Variants in PLCG1 observed in about 807,000 individuals in gnomAD.
PLCG1 encodes 1-phosphatidylinositol 4,5-bisphosphate phosphodiesterase gamma-1.
Under a neutral mutation model 177.8 loss-of-function variants are expected in PLCG1, and 71 were observed. That is an observed-to-expected ratio of 0.40 (90% CI 0.33 to 0.49). The LOEUF (loss-of-function observed/expected upper bound fraction) is 0.49, where lower values mean the gene tolerates loss of function less well. Among genes scored for constraint, PLCG1 ranks in the 20% least tolerant of loss-of-function variants. PLCG1 has a pLI of 0.72. For synonymous variants in PLCG1, 658 were observed against 647.9 expected, an observed-to-expected ratio of 1.02 and a Z score of -0.24; for missense variants, 1,281 against 1,709.0, an observed-to-expected ratio of 0.75 and a Z score of 4.42.
chr20:41,168,687 G>T (rs1222967580), intron 20 of PLCG1, 80 bp from the exon 21 acceptor site: 2 of 820,246 alleles, frequency 2.4e-6, no homozygotes, highest in Non-Finnish European at 4.2e-6. Flanking sequence ...CCAAGCACAT[G>T]TGTGTGTGCA....
rs1041797963 is a variant in PLCG1, at chr20:41,150,257, A to G, written c.218-9349A>G. 1.3e-5 allele frequency among the ~76,000 whole-genome samples: 2 copies of G among 152,246 alleles called. No homozygotes were observed. The highest frequency in any genetic ancestry group is 2.4e-5 in the African/African-American group (1 of 41,470). On this transcript the variant is annotated intron_variant, in intron 1 of 31. Transcript: ENST00000685551. The surrounding 1 kb of genome is among the most constrained non-coding windows in gnomAD (Gnocchi z 4.0). ...CGAAGTGAGAGGATCACTTGAGGCC[A>G]GGAGTTTGAGACAAGCTTGGGCAAC...
rs149429250 is a variant in PLCG1, at chr20:41,147,355, A to C, written c.217+9497A>C. The stretch of plus-strand genomic sequence containing the variant: ...CAGTGAGAACAGAATGTCTGTTGCC[A>C]GACTGATCACAAGAGGATGGCCTGG... On this transcript the variant is annotated intron_variant, in intron 1 of 31. Transcript: ENST00000685551. This position sits in a 1 kb window ranked among gnomAD's most constrained non-coding sequence, Gnocchi z 4.0. 2.6e-3 allele frequency among the ~76,000 whole-genome samples: 395 copies of C among 152,364 alleles called. 3 individuals carry two copies. The highest frequency in any genetic ancestry group is 8.9e-3 in the African/African-American group (370 of 41,594).
In PLCG1 at chr20:41,174,800, A is replaced by T. The variant is rs1402974895; in HGVS notation, c.*291A>T. 2 of 450,860 alleles carry T rather than the reference A, an allele frequency of 4.4e-6. No homozygotes were observed. Among genetic ancestry groups the T allele is most frequent in the Non-Finnish European group, 8.1e-6 (2 of 245,522 alleles). 27.9% of individuals were successfully genotyped at this position (450,860 alleles called of 1,614,324 possible). A position where few individuals can be genotyped will look rare whatever the true frequency, so the allele number is the denominator to read the frequency against. On this transcript the variant is annotated 3_prime_UTR_variant, in exon 32 of 32. Coordinates refer to ENST00000685551, the MANE Select transcript of PLCG1 (RefSeq NM_002660.3). This position sits in a 1 kb window ranked among gnomAD's most constrained non-coding sequence, Gnocchi z 5.8. ...ATGGATCCTTCCATCTTGTGGGGCC[A>T]GGACCATGGCCGAAGCCCCTTGGAG...
Position 41,164,336 on chromosome 20 carries a change from C to A in PLCG1, c.1217+135C>A. 4 of 866,054 alleles carry A rather than the reference C, an allele frequency of 4.6e-6. No individual in the cohort carries two copies. Among genetic ancestry groups the A allele is most frequent in the South Asian group, 1.6e-5 (1 of 61,256 alleles). 53.6% of individuals were successfully genotyped at this position (866,054 alleles called of 1,614,324 possible). On this transcript the variant is annotated intron_variant, in intron 12 of 31. Coordinates refer to ENST00000685551, the MANE Select transcript of PLCG1 (RefSeq NM_002660.3). This position sits in a 1 kb window ranked among gnomAD's most constrained non-coding sequence, Gnocchi z 6.4. The stretch of plus-strand genomic sequence containing the variant: ...CTTTCATCTTTGTCCTTCCTCTTGG[C>A]CTCTCCTCGTCACCTGCTCCCTGCT...
Position 41,166,796 on chromosome 20 carries a change from A to G in PLCG1, c.2238A>G (p.Leu746=), listed in dbSNP as rs765466261. Residue 746 remains leucine, a synonymous_variant, in exon 19 of 32, where the codon CTA becomes CTG. Coordinates refer to ENST00000685551, the MANE Select transcript of PLCG1 (RefSeq NM_002660.3). This position sits in a 1 kb window ranked among gnomAD's most constrained non-coding sequence, Gnocchi z 8.6. ...TCAGCTACTATGAGAAACACCCGCT[A>G]TACCGCAAGATGAAGCTGCGCTATC... ...DLISYYEKHP[L]YRKMKLRYPI... 30 of 1,614,060 alleles carry G rather than the reference A, an allele frequency of 1.9e-5. No homozygotes were observed. Among genetic ancestry groups the G allele is most frequent in the Non-Finnish European group, 2.4e-5 (28 of 1,180,040 alleles).
chr20:41,165,009 G>C lies in PLCG1; in HGVS notation c.1294G>C (p.Val432Leu), dbSNP rs2035632283. 10 of 1,614,206 alleles carry C rather than the reference G, an allele frequency of 6.2e-6. No homozygotes were observed. The Middle Eastern group carries it at 4.9e-4, about 80-fold the overall frequency. Residue 432 changes from valine to leucine, a missense_variant, in exon 13 of 32, where the codon GTG becomes CTG. This residue lies in a region of PLCG1 where 723 missense variants were observed against 1,030.0 expected (regional missense o/e 0.70). Coordinates refer to ENST00000685551, the MANE Select transcript of PLCG1 (RefSeq NM_002660.3). This position sits in a 1 kb window ranked among gnomAD's most constrained non-coding sequence, Gnocchi z 6.6. ...QRNMAQYFKK[V>L]LGDTLLTKPV... Reference sequence around the variant, plus strand: ...AAACATGGCCCAATACTTCAAGAAGGTGCTGGGGGACACACTCCTCACCAA... The same window carrying C: ...AAACATGGCCCAATACTTCAAGAAGCTGCTGGGGGACACACTCCTCACCAA...
intron 1 of PLCG1, among the ~76,000 whole-genome samples, chr20:41,158,939 G>A (rs1445379682): frequency 6.6e-6 from 1 of 152,226 alleles, no homozygotes; most frequent in African/African-American, 2.4e-5. Context: ...GTACCTCTCT[G>A]ACTATGCCTT....
Position 41,159,796 on chromosome 20 carries a change from AGG to A in PLCG1, c.370+41_370+42del, listed in dbSNP as rs544798567. On this transcript the variant is annotated intron_variant, in intron 2 of 31. Coordinates refer to ENST00000685551, the MANE Select transcript of PLCG1 (RefSeq NM_002660.3). The surrounding 1 kb of genome is among the most constrained non-coding windows in gnomAD (Gnocchi z 6.0). ...GGGGTAGAGGAGGTAGAGGATAGTT[AGG>A]GGAATGCCTGCTGGCTCCTGCCCAG... 1.2e-6 allele frequency: 2 copies of A among 1,613,990 alleles called. No individual in the cohort carries two copies. Among genetic ancestry groups the A allele is most frequent in the South Asian group, 2.2e-5 (2 of 91,074 alleles).
In PLCG1 at chr20:41,177,008, G is replaced by A. The variant is rs2179249; in HGVS notation, c.*2499G>A. The A allele has an allele frequency of 6.6e-6, 1 of 152,226 alleles. No homozygotes were observed. Among genetic ancestry groups the A allele is most frequent in the Admixed American group, 6.5e-5 (1 of 15,280 alleles). 9.4% of individuals were successfully genotyped at this position (152,226 alleles called of 1,614,324 possible). ...TACTGGTACCCGGGGCCTTAGCATAGGTATTGTTCAAAACCTCTCAAGGTG... is the reference window on the plus strand; with the variant it reads ...TACTGGTACCCGGGGCCTTAGCATAAGTATTGTTCAAAACCTCTCAAGGTG... On this transcript the variant is annotated 3_prime_UTR_variant, in exon 32 of 32. Coordinates refer to ENST00000685551, the MANE Select transcript of PLCG1 (RefSeq NM_002660.3).
rs34273582 is a variant in PLCG1, at chr20:41,150,909, A to T, written c.218-8697A>T. On this transcript the variant is annotated intron_variant, in intron 1 of 31. Transcript: ENST00000685551. The surrounding 1 kb of genome is among the most constrained non-coding windows in gnomAD (Gnocchi z 4.0). The stretch of plus-strand genomic sequence containing the variant: ...TGCTTCCCCATCTGTTTCCTCCATC[A>T]GGCAGGGGTTTTCTCAAAGGCAGGA... Among the ~76,000 whole-genome samples, 21,405 of 152,106 alleles carry T rather than the reference A, an allele frequency of 0.14. 1,710 individuals carry two copies. The highest frequency in any genetic ancestry group is 0.17 in the Non-Finnish European group (11,476 of 67,978).
rs1401730206 is a variant in PLCG1 at position 41,150,136 on chromosome 20, G to A, written c.218-9470G>A. ...CCTGGGGAGGTAGAGGCTACAGTGA[G>A]CCCTGTTGGTGCCACTGCACTCCAG... is the stretch of plus-strand genomic sequence containing the variant. On this transcript the variant is annotated intron_variant, in intron 1 of 31. Coordinates refer to ENST00000685551, the MANE Select transcript of PLCG1 (RefSeq NM_002660.3). This position sits in a 1 kb window ranked among gnomAD's most constrained non-coding sequence, Gnocchi z 4.0. Among the ~76,000 whole-genome samples the A allele has an allele frequency of 6.6e-6, 1 of 152,080 alleles. No individual in the cohort carries two copies. The highest frequency in any genetic ancestry group is 1.9e-4 in the East Asian group (1 of 5,178).
Position 41,156,976 on chromosome 20 carries a change from A to G in PLCG1, c.218-2630A>G, listed in dbSNP as rs1421422115. Among the ~76,000 whole-genome samples the G allele has an allele frequency of 6.6e-6, 1 of 152,192 alleles. No individual in the cohort carries two copies. Among genetic ancestry groups the G allele is most frequent in the East Asian group, 1.9e-4 (1 of 5,184 alleles). On this transcript the variant is annotated intron_variant, in intron 1 of 31. Transcript: ENST00000685551. The surrounding 1 kb of genome is among the most constrained non-coding windows in gnomAD (Gnocchi z 5.0). ...GGGTGAGGTTGGGAGGTAGCACAGG[A>G]TGTGGCTTTCAAGAACCTAGTAGAG...
In PLCG1 at chr20:41,173,304, G is replaced by A. The variant is rs2035960950; in HGVS notation, c.3280-116G>A. On this transcript the variant is annotated intron_variant, in intron 27 of 31. Coordinates refer to ENST00000685551, the MANE Select transcript of PLCG1 (RefSeq NM_002660.3). The surrounding 1 kb of genome is among the most constrained non-coding windows in gnomAD (Gnocchi z 6.2). ...TGAGGGACTCCATGGGCAGTGTCCCGGGGGCCCAGCAGAGGGCGCGCTGCC... is the reference window on the plus strand; with the variant it reads ...TGAGGGACTCCATGGGCAGTGTCCCAGGGGCCCAGCAGAGGGCGCGCTGCC... The A allele has an allele frequency of 9.4e-6, 10 of 1,068,652 alleles. No individual in the cohort carries two copies. Among genetic ancestry groups the A allele is most frequent in the Middle Eastern group, 3.1e-4 (1 of 3,182 alleles). The allele number at this position is 1,068,652 out of a possible 1,614,324, so 66.2% of individuals were successfully genotyped here. A position where few individuals can be genotyped will look rare whatever the true frequency, so the allele number is the denominator to read the frequency against.
intron 1 of PLCG1, among the ~76,000 whole-genome samples, chr20:41,139,865 C>G (rs929952098): frequency 1.3e-5 from 2 of 152,130 alleles, no homozygotes; most frequent in African/African-American, 2.4e-5. Flanking sequence ...AGGCAGGAAA[C>G]AGTTTTGTTT....
At chr20:41,169,392 C>T (rs33928471) in intron 22 of PLCG1, 65 bp from the exon 23 acceptor site, 17,507 of 1,267,810 alleles carry the variant, frequency 0.014, 193 homozygotes, top group Non-Finnish European at 0.014. Flanking sequence ...CCCATGCACA[C>T]GGATATCCCC....
Position 41,174,911 on chromosome 20 carries a change from G to C in PLCG1, c.*402G>C. ...GTGGAGGAGGAGGAGGAGCCTTGCT[G>C]GGCCAGGGAAACAAAGTTTACATTG... On this transcript the variant is annotated 3_prime_UTR_variant, in exon 32 of 32. Transcript: ENST00000685551. This position sits in a 1 kb window ranked among gnomAD's most constrained non-coding sequence, Gnocchi z 5.8. 4.9e-6 allele frequency: 1 copy of C among 205,910 alleles called. No homozygotes were observed. Among genetic ancestry groups the C allele is most frequent in the South Asian group, 8.8e-5 (1 of 11,368 alleles). 12.8% of individuals were successfully genotyped at this position (205,910 alleles called of 1,614,324 possible).
intron 1 of PLCG1, among the ~76,000 whole-genome samples, chr20:41,141,240 C>T (rs1476755709): frequency 3.3e-5 from 5 of 152,200 alleles, no homozygotes; most frequent in Non-Finnish European, 5.9e-5. Context: ...TTCTGAGGCC[C>T]CAGGCTTCTG....
rs2035227373 is a variant in PLCG1, at chr20:41,153,514, G to A, written c.218-6092G>A. ...GGGTCTTCCTCTGTTACCCAGATGG[G>A]TCTTGAACTCCTGGCCTCAAGCAGT... On this transcript the variant is annotated intron_variant, in intron 1 of 31. Transcript: ENST00000685551. The surrounding 1 kb of genome is among the most constrained non-coding windows in gnomAD (Gnocchi z 5.1). Among the ~76,000 whole-genome samples, 2 of 152,074 alleles carry A rather than the reference G, an allele frequency of 1.3e-5. No homozygotes were observed. Among genetic ancestry groups the A allele is most frequent in the Non-Finnish European group, 2.9e-5 (2 of 68,008 alleles).
chr20:41,139,324 C>T (rs2034735465), intron 1 of PLCG1, among the ~76,000 whole-genome samples: 1 of 152,194 alleles, frequency 6.6e-6, no homozygotes, highest in African/African-American at 2.4e-5. Context: ...GCTGAGATAA[C>T]CCTGGGAACA....
Sources: gnomAD v4.1 joint callset for allele counts (sites outside exome capture counted in the v4.1 genomes callset) on GRCh38, gnomAD v4.1.1 for gene constraint, gnomAD v4.1.1 regional missense constraint, Gnocchi (gnomAD v3.1) non-coding constraint, MANE v1.5 for transcripts, NCBI Gene and HGNC (gene_info 2026-07-23, HGNC 2026-07-21) for gene names.